Variants in CCSER1 observed in about 807,000 individuals in gnomAD.
CCSER1 encodes the protein serine-rich coiled-coil domain-containing protein 1.
A neutral mutation model predicts 82.0 loss-of-function variants in CCSER1; 41 were observed. The observed-to-expected ratio is 0.50, with a 90% CI of 0.39 to 0.65. The LOEUF (loss-of-function observed/expected upper bound fraction) is 0.65. CCSER1 is among the 30% of genes least tolerant of loss of function. The probability of loss-of-function intolerance (pLI) is 0.00; values close to 1 mark genes in which losing one functional copy is unlikely to be tolerated. For missense variants in CCSER1, 1,119 were observed against 1,064.2 expected (o/e 1.05, Z -0.72); for synonymous variants, 414 against 383.9 (o/e 1.08, Z -0.92).
intron 10 of CCSER1, among the ~76,000 whole-genome samples, chr4:91,583,524 C>T (rs376728984): frequency 6.6e-6 from 1 of 151,402 alleles, no homozygotes; most frequent in African/African-American, 2.4e-5. Flanking sequence ...GTGTACTACT[C>T]TAAGGACACA....
chr4:90,704,362 T>C (rs1427443134), intron 6 of CCSER1, among the ~76,000 whole-genome samples: 2 of 152,220 alleles, frequency 1.3e-5, no homozygotes, highest in African/African-American at 4.8e-5. Flanking sequence ...CTGTTGGGCT[T>C]CCCTTTGTGG....
chr4:90,523,353 T>C (rs182593314), intron 5 of CCSER1, among the ~76,000 whole-genome samples: 45 of 152,316 alleles, frequency 3.0e-4, no homozygotes, highest in African/African-American at 1.0e-3. Context: ...AATTTGTTTC[T>C]ATTTGTATTG....
At chr4:91,340,596 G>A (rs181446013) in intron 10 of CCSER1, among the ~76,000 whole-genome samples, 4 of 152,208 alleles carry the variant, frequency 2.6e-5, no homozygotes, top group Admixed American at 2.0e-4. Flanking sequence ...CATATTAAAT[G>A]TCTTTAATTT....
At chr4:91,085,272 T>C (rs556342962) in intron 9 of CCSER1, among the ~76,000 whole-genome samples, 11 of 152,214 alleles carry the variant, frequency 7.2e-5, no homozygotes, top group African/African-American at 2.6e-4. Context: ...ATTTTTAAAT[T>C]TGTGTTCTCC....
chr4:90,800,622 C>T (rs1400630145), intron 7 of CCSER1, among the ~76,000 whole-genome samples: 2 of 152,136 alleles, frequency 1.3e-5, no homozygotes, highest in Admixed American at 6.5e-5. Context: ...TGTAAGTTAT[C>T]GCTTTATCAC....
intron 10 of CCSER1, among the ~76,000 whole-genome samples, chr4:91,249,690 A>G (rs1009415817): frequency 6.6e-6 from 1 of 152,118 alleles, no homozygotes; most frequent in Admixed American, 6.6e-5. Flanking sequence ...TCTGAGTCCT[A>G]AAGTTTGTTT....
chr4:91,173,794 A>T (rs1285140703), intron 10 of CCSER1, among the ~76,000 whole-genome samples: 1 of 152,134 alleles, frequency 6.6e-6, no homozygotes, highest in Non-Finnish European at 1.5e-5. Flanking sequence ...TCTTCACTAA[A>T]AAAGGATGAA....
intron 1 of CCSER1, among the ~76,000 whole-genome samples, chr4:90,158,912 G>A (rs542240640): frequency 7.2e-5 from 11 of 152,158 alleles, no homozygotes; most frequent in East Asian, 5.8e-4. Flanking sequence ...CTGGCACTCC[G>A]CAGTGAGATG....
chr4:91,088,190 A>G (rs1284958982), intron 10 of CCSER1, among the ~76,000 whole-genome samples: 2 of 152,230 alleles, frequency 1.3e-5, no homozygotes, highest in African/African-American at 4.8e-5. Context: ...TTGTAATGCT[A>G]TTATGATTGA....
chr4:90,416,148 G>A (rs566033663), intron 4 of CCSER1, among the ~76,000 whole-genome samples: 12 of 151,842 alleles, frequency 7.9e-5, no homozygotes, highest in African/African-American at 2.4e-4. Flanking sequence ...TGCACAATAT[G>A]TACGTATATC....
intron 10 of CCSER1, among the ~76,000 whole-genome samples, chr4:91,572,864 G>A (rs1001192277): frequency 6.6e-6 from 1 of 150,772 alleles, no homozygotes; most frequent in Non-Finnish European, 1.5e-5. Flanking sequence ...CAGCTGTGCT[G>A]TACTTAGGCA....
intron 9 of CCSER1, among the ~76,000 whole-genome samples, chr4:90,940,288 C>T (rs1731440792): frequency 1.3e-5 from 2 of 151,690 alleles, no homozygotes; most frequent in Admixed American, 6.6e-5. Flanking sequence ...CCCTTCCTCC[C>T]TTCCTTCCTT....
Position 90,400,144 on chromosome 4 carries a change from G to T in CCSER1, c.1603+15G>T. On this transcript the variant is annotated intron_variant, in intron 4 of 10. Transcript: ENST00000509176. ...TCACCCTTCTGGTAAGTGTTAAAGA[G>T]ATGAATAATATCATACAACTCCTAC... is the stretch of plus-strand genomic sequence containing the variant. 3 of 1,415,610 alleles carry T rather than the reference G, an allele frequency of 2.1e-6. No individual in the cohort carries two copies. Among genetic ancestry groups the T allele is most frequent in the Non-Finnish European group, 3.0e-6 (3 of 1,004,660 alleles). 87.7% of individuals were successfully genotyped at this position (1,415,610 alleles called of 1,614,324 possible).
At position 90,247,058 on chromosome 4, in the gene CCSER1, G is replaced by A. The variant is rs562025333; in HGVS notation, c.-41-61186G>A. Among the ~76,000 whole-genome samples, 11 of 152,234 alleles carry A rather than the reference G, an allele frequency of 7.2e-5. No homozygotes were observed. The East Asian group carries it at 1.9e-3, about 27-fold the overall frequency. On this transcript the variant is annotated intron_variant, in intron 1 of 10. Coordinates refer to ENST00000509176, the MANE Select transcript of CCSER1 (RefSeq NM_001145065.2). ...ACAAAATGACTAAAGGGCAGGTAGCGCCTACAGCATGAATCTGTTGGACAA... is the reference window on the plus strand; with the variant it reads ...ACAAAATGACTAAAGGGCAGGTAGCACCTACAGCATGAATCTGTTGGACAA...
intron 9 of CCSER1, among the ~76,000 whole-genome samples, chr4:90,945,153 T>G (rs1732079353): frequency 6.6e-6 from 1 of 152,186 alleles, no homozygotes; most frequent in Non-Finnish European, 1.5e-5. Flanking sequence ...ACAAAGAATT[T>G]AGTGATTTAA....
At chr4:91,483,096 TA>T (rs199615741) in intron 10 of CCSER1, among the ~76,000 whole-genome samples, 15,965 of 136,866 alleles carry the variant, frequency 0.12, 984 homozygotes, top group Middle Eastern at 0.22. Context: ...AGTATAATAA[TA>T]AAAAAAAGGA....
chr4:91,088,854 CAT>C (rs1491433121), intron 10 of CCSER1, among the ~76,000 whole-genome samples: 2 of 151,832 alleles, frequency 1.3e-5, no homozygotes, highest in African/African-American at 4.8e-5. Flanking sequence ...ATAGATAAGT[CAT>C]TTTTTTTTTC....
chr4:91,577,073 T>C (rs1200603970), intron 10 of CCSER1, among the ~76,000 whole-genome samples: 2 of 152,058 alleles, frequency 1.3e-5, no homozygotes, highest in South Asian at 4.1e-4. Flanking sequence ...CATTGGTGCA[T>C]AGCTTACTGA....
chr4:90,444,729 T>A lies in CCSER1; in HGVS notation c.1604-23505T>A, dbSNP rs544852257. ...TAATTCAAGACAGAAATAGTCTGTA[T>A]ATCAAAATTTGAATATTAGAAACTC... On this transcript the variant is annotated intron_variant, in intron 4 of 10. Coordinates refer to ENST00000509176, the MANE Select transcript of CCSER1 (RefSeq NM_001145065.2). Among the ~76,000 whole-genome samples, 16 of 152,178 alleles carry A rather than the reference T, an allele frequency of 1.1e-4. No homozygotes were observed. The East Asian group carries it at 2.7e-3, about 26-fold the overall frequency.
Sources: gnomAD v4.1 joint callset for allele counts (sites outside exome capture counted in the v4.1 genomes callset) on GRCh38, gnomAD v4.1.1 for gene constraint, MANE v1.5 for transcripts, NCBI Gene and HGNC (gene_info 2026-07-23, HGNC 2026-07-21) for gene names.